DIAPH2: variants seen among roughly 807,000 people sequenced by gnomAD.
DIAPH2 encodes diaphanous related formin 2.
Under a neutral mutation model 92.7 loss-of-function variants are expected in DIAPH2, and 35 were observed. That is an observed-to-expected ratio of 0.38 (90% CI 0.29 to 0.50). The LOEUF (loss-of-function observed/expected upper bound fraction) is 0.50. Among genes scored for constraint, DIAPH2 ranks in the 20% least tolerant of loss-of-function variants. DIAPH2 has a pLI of 0.94. For synonymous variants in DIAPH2, 301 were observed against 280.4 expected, an observed-to-expected ratio of 1.07 and a Z score of -0.73; for missense variants, 701 against 819.5, an observed-to-expected ratio of 0.86 and a Z score of 1.77.
chrX:97,284,763 T>TA (rs1163462547), intron 23 of DIAPH2, among the ~76,000 whole-genome samples: 1 of 109,660 alleles, frequency 9.1e-6, no homozygotes, highest in Non-Finnish European at 1.9e-5. Flanking sequence ...TATTTGGAGT[T>TA]AGAGAGAGAG....
intron 1 of DIAPH2, among the ~76,000 whole-genome samples, chrX:96,711,835 C>T (rs1164397858): frequency 1.8e-5 from 2 of 110,840 alleles, no homozygotes; most frequent in Admixed American, 1.9e-4. Context: ...TTAGATGTAA[C>T]AGTCTATTCA....
chrX:96,943,217 C>G (rs900808239), intron 13 of DIAPH2, among the ~76,000 whole-genome samples: 2 of 111,147 alleles, frequency 1.8e-5, no homozygotes, highest in African/African-American at 3.3e-5. Flanking sequence ...GTATAATATT[C>G]CATTTTGTGA....
At chrX:97,137,270 CAT>C (rs57799375) in intron 21 of DIAPH2, among the ~76,000 whole-genome samples, 16,027 of 67,823 alleles carry the variant, frequency 0.24, 1,575 homozygotes, top group South Asian at 0.33. Context: ...CGCAGTTATA[CAT>C]ATATATATAT....
At chrX:97,186,880 C>T (rs1283613171) in intron 22 of DIAPH2, among the ~76,000 whole-genome samples, 1 of 111,947 alleles carries the variant, frequency 8.9e-6, no homozygotes, top group Non-Finnish European at 1.9e-5. Context: ...TTTTGAGTGT[C>T]ATTTGATACA....
At chrX:97,517,394 A>G (rs1030436003) in intron 26 of DIAPH2, among the ~76,000 whole-genome samples, 8 of 111,947 alleles carry the variant, frequency 7.1e-5, no homozygotes, top group Non-Finnish European at 1.5e-4. Context: ...GCTTCAAACT[A>G]TGCCTCTCAC....
chrX:96,729,747 A>G (rs1483563728), intron 1 of DIAPH2, among the ~76,000 whole-genome samples: 2 of 112,357 alleles, frequency 1.8e-5, no homozygotes, highest in Non-Finnish European at 3.8e-5. Flanking sequence ...TTCTTGTCAT[A>G]AAAATGGTGG....
intron 5 of DIAPH2, among the ~76,000 whole-genome samples, chrX:96,894,685 A>T: frequency 9.0e-6 from 1 of 111,510 alleles, no homozygotes. Flanking sequence ...TATGTGCTTG[A>T]TGAGCAATGA....
At chrX:97,299,151 G>A (rs1274400426) in intron 23 of DIAPH2, among the ~76,000 whole-genome samples, 2 of 111,820 alleles carry the variant, frequency 1.8e-5, no homozygotes, top group Admixed American at 9.6e-5. Flanking sequence ...GAAAATAAGA[G>A]GAACTAGCTG....
At chrX:97,192,675 C>T (rs2067664583) in intron 22 of DIAPH2, among the ~76,000 whole-genome samples, 2 of 111,734 alleles carry the variant, frequency 1.8e-5, no homozygotes, top group South Asian at 7.5e-4. Context: ...AAATATCCTA[C>T]TTTTATGAGA....
intron 1 of DIAPH2, among the ~76,000 whole-genome samples, chrX:96,700,292 T>C (rs2063847962): frequency 8.9e-6 from 1 of 112,533 alleles, no homozygotes; most frequent in African/African-American, 3.2e-5. Context: ...GCCTGAGCCA[T>C]GCATCTGGCC....
intron 24 of DIAPH2, among the ~76,000 whole-genome samples, chrX:97,352,870 CAAAAAAA>C (rs1176922373): frequency 3.7e-5 from 1 of 27,094 alleles, no homozygotes; most frequent in Non-Finnish European, 7.0e-5. Flanking sequence ...AATCTGTCTC[CAAAAAAA>C]AAAAAAAAAA....
At chrX:96,942,252 A>G (rs1427797074) in intron 13 of DIAPH2, 116 bp downstream of exon 13, 1 of 483,134 alleles carries the variant, frequency 2.1e-6, no homozygotes, top group African/African-American at 2.4e-5. Flanking sequence ...ACTTCTATTC[A>G]TATCTGGTAA....
rs183033750 is a variant in DIAPH2, at chrX:97,028,486, A to G, written c.2051-44455A>G. Among the ~76,000 whole-genome samples the G allele has an allele frequency of 5.3e-3, 589 of 111,927 alleles. 5 individuals carry two copies. The highest frequency in any genetic ancestry group is 9.1e-3 in the Middle Eastern group (2 of 219). ...CATCCTCAAACCCCTGCCCCTGTCA[A>G]TCACTAACCTATTTTCTGTTTCTAT... On this transcript the variant is annotated intron_variant, in intron 17 of 26. Coordinates refer to ENST00000324765, the MANE Select transcript of DIAPH2 (RefSeq NM_006729.5).
chrX:96,798,753 C>A (rs1300739295), intron 4 of DIAPH2, among the ~76,000 whole-genome samples: 2 of 111,742 alleles, frequency 1.8e-5, no homozygotes, highest in Non-Finnish European at 3.8e-5. Context: ...TCAACTTGAT[C>A]ATATTAAGAC....
At chrX:96,857,145 C>A (rs964186077) in intron 4 of DIAPH2, among the ~76,000 whole-genome samples, 1 of 111,356 alleles carries the variant, frequency 9.0e-6, no homozygotes, top group African/African-American at 3.3e-5. Context: ...CGTAAAATAT[C>A]CTTCTGAATT....
intron 19 of DIAPH2, among the ~76,000 whole-genome samples, chrX:97,098,692 T>C (rs1416157913): frequency 8.9e-6 from 1 of 112,673 alleles, no homozygotes; most frequent in Non-Finnish European, 1.9e-5. Context: ...CCCAAAGTGC[T>C]GGGATTACAG....
Position 96,835,701 on chromosome X carries a change from A to G in DIAPH2, c.448-45878A>G, listed in dbSNP as rs750847269. ...ATTTGCTTTTATCACAAAGAATGCT[A>G]TTTATGTACAAATGCAGTTATCTGT... On this transcript the variant is annotated intron_variant, in intron 4 of 26. Transcript: ENST00000324765. Among the ~76,000 whole-genome samples the G allele has an allele frequency of 4.6e-4, 52 of 112,553 alleles. 1 individual carries two copies. Among genetic ancestry groups the G allele is most frequent in the Non-Finnish European group, 9.4e-5 (5 of 53,307 alleles).
At chrX:97,181,485 C>T (rs1463197981) in intron 22 of DIAPH2, among the ~76,000 whole-genome samples, 1 of 111,885 alleles carries the variant, frequency 8.9e-6, no homozygotes, top group East Asian at 2.8e-4. Flanking sequence ...AATCTTGGCT[C>T]ACCGCAACCT....
At chrX:96,839,117 A>G (rs1173772364) in intron 4 of DIAPH2, among the ~76,000 whole-genome samples, 1 of 111,581 alleles carries the variant, frequency 9.0e-6, no homozygotes, top group Non-Finnish European at 1.9e-5. Flanking sequence ...GATTTATGAG[A>G]AAAAAATGTT....
Sources: allele counts gnomAD v4.1 joint callset (sites outside exome capture counted in the v4.1 genomes callset), GRCh38; gene constraint gnomAD v4.1.1; transcripts MANE v1.5; gene names NCBI Gene and HGNC (gene_info 2026-07-23, HGNC 2026-07-21).